KCNK12: variants seen among roughly 807,000 people sequenced by gnomAD.
KCNK12 encodes potassium channel subfamily K member 12.
In KCNK12, 6 loss-of-function variants were observed where a neutral mutation model predicts 25.3. The ratio of observed to expected loss-of-function variants is 0.24; its 90% CI spans 0.13 to 0.47. The LOEUF is 0.47. Among genes scored for constraint, KCNK12 ranks in the 20% least tolerant of loss-of-function variants. The pLI is 0.99. For missense variants in KCNK12, 444 were observed against 661.7 expected, an observed-to-expected ratio of 0.67 and a Z score of 3.61; for synonymous variants, 331 against 311.1, an observed-to-expected ratio of 1.06 and a Z score of -0.67.
At chr2:47,558,040 T>C (rs1447263916) in intron 1 of KCNK12, among the ~76,000 whole-genome samples, 1 of 152,250 alleles carries the variant, frequency 6.6e-6, no homozygotes, top group Non-Finnish European at 1.5e-5. Flanking sequence ...CTGATCATCA[T>C]ATTTTACTTT....
At chr2:47,537,680 T>A (rs1018135793) in intron 1 of KCNK12, among the ~76,000 whole-genome samples, 3 of 152,234 alleles carry the variant, frequency 2.0e-5, no homozygotes, top group African/African-American at 7.2e-5. Flanking sequence ...ATTTCACATT[T>A]TCTGTGGTGC....
At chr2:47,532,046 CAAAA>C (rs907601148) in intron 1 of KCNK12, among the ~76,000 whole-genome samples, 1 of 151,430 alleles carries the variant, frequency 6.6e-6, no homozygotes, top group Non-Finnish European at 1.5e-5. Flanking sequence ...GACTCCGTCT[CAAAA>C]AAAACCCCCA....
chr2:47,517,141 T>C lies in KCNK12; in HGVS notation c.*3766A>G, dbSNP rs1049174762. ...AGTGTGTATGTGGAATTGTGCTTTT[T>C]GTTTTTTAAGAATGTAAAAAGTTAC... On this transcript the variant is annotated 3_prime_UTR_variant, in exon 2 of 2. Coordinates refer to ENST00000327876, the MANE Select transcript of KCNK12 (RefSeq NM_022055.2). The surrounding 1 kb of genome is among the most constrained non-coding windows in gnomAD (Gnocchi z 4.1). 1 of 152,202 alleles carries C rather than the reference T, an allele frequency of 6.6e-6. No homozygotes were observed. The highest frequency in any genetic ancestry group is 1.5e-5 in the Non-Finnish European group (1 of 68,048). The allele number at this position is 152,202 out of a possible 1,614,324, so 9.4% of individuals were successfully genotyped here.
Position 47,523,836 on chromosome 2 carries a change from T to C in KCNK12, c.392-2028A>G, listed in dbSNP as rs7608068. Among the ~76,000 whole-genome samples, 334 of 152,326 alleles carry C rather than the reference T, an allele frequency of 2.2e-3. 1 individual carries two copies. Among genetic ancestry groups the C allele is most frequent in the African/African-American group, 7.8e-3 (323 of 41,576 alleles). On this transcript the variant is annotated intron_variant, in intron 1 of 1. Coordinates refer to ENST00000327876, the MANE Select transcript of KCNK12 (RefSeq NM_022055.2). ...GGGCATCCCTGTTTAATTTGTGCCC[T>C]ATGGCAGAAGGGCTACCTGTGCTCT...
chr2:47,563,827 C>T (rs909454316), intron 1 of KCNK12: 2 of 232,632 alleles, frequency 8.6e-6, no homozygotes, highest in Non-Finnish European at 1.7e-5. Flanking sequence ...TTGCTCCATT[C>T]GGCACAATTC....
Position 47,510,070 on chromosome 2 carries a change from A to C in KCNK12, c.*10837T>G, listed in dbSNP as rs982588125. 1 of 152,182 alleles carries C rather than the reference A, an allele frequency of 6.6e-6. No homozygotes were observed. Among genetic ancestry groups the C allele is most frequent in the East Asian group, 1.9e-4 (1 of 5,194 alleles). The allele number at this position is 152,182 out of a possible 1,614,324, so 9.4% of individuals were successfully genotyped here. On this transcript the variant is annotated 3_prime_UTR_variant, in exon 2 of 2. Transcript: ENST00000327876. ...CGATCATGTGACTCTCTTCTGGTCA[A>C]TGAGATGCAGCAGAAAGTCCTAGGG...
At position 47,570,200 on chromosome 2, in the gene KCNK12, C is replaced by G; in HGVS notation, c.132G>C (p.Ala44=). 6.7e-7 allele frequency: 1 copy of G among 1,497,812 alleles called. No homozygotes were observed. Among genetic ancestry groups the G allele is most frequent in the Non-Finnish European group, 8.9e-7 (1 of 1,128,100 alleles). The allele number at this position is 1,497,812 out of a possible 1,614,324, so 92.8% of individuals were successfully genotyped here. A position where few individuals can be genotyped will look rare whatever the true frequency, so the allele number is the denominator to read the frequency against. The change falls in exon 1 of 2, where the codon GCG becomes GCC. Residue 44 remains alanine (A), a synonymous_variant. Transcript: ENST00000327876. ...EDTGRFVLLA[A]LIGLYLVAGA... ...CCGCCACCAGGTAGAGGCCGATGAG[C>G]GCCGCCAGCAGCACGAAGCGGCCGG...
chr2:47,541,688 C>G (rs1249689166), intron 1 of KCNK12, among the ~76,000 whole-genome samples: 1 of 152,064 alleles, frequency 6.6e-6, no homozygotes, highest in Non-Finnish European at 1.5e-5. Context: ...TGGCTGGTGT[C>G]CTCACAGGAA....
intron 1 of KCNK12, among the ~76,000 whole-genome samples, chr2:47,550,843 C>T (rs944058639): frequency 3.3e-5 from 5 of 152,118 alleles, no homozygotes; most frequent in African/African-American, 9.7e-5. Flanking sequence ...AAACATGCCC[C>T]GGTCCAAATC....
At chr2:47,553,652 T>C (rs1669487816) in intron 1 of KCNK12, among the ~76,000 whole-genome samples, 3 of 152,230 alleles carry the variant, frequency 2.0e-5, no homozygotes, top group African/African-American at 7.2e-5. Flanking sequence ...CAGAATCTTC[T>C]TCTAAAATAG....
chr2:47,547,586 A>T lies in KCNK12; in HGVS notation c.391+22355T>A, dbSNP rs1469036846. On this transcript the variant is annotated intron_variant, in intron 1 of 1. Transcript: ENST00000327876. The surrounding 1 kb of genome is among the most constrained non-coding windows in gnomAD (Gnocchi z 5.0). The stretch of plus-strand genomic sequence containing the variant: ...CCAGAGCCCCCTAGCTGACATTGGC[A>T]GGGCTTTATTTATTTATTTATTTAC... Among the ~76,000 whole-genome samples, 4 of 151,184 alleles carry T rather than the reference A, an allele frequency of 2.6e-5. No individual in the cohort carries two copies. The highest frequency in any genetic ancestry group is 1.3e-4 in the Admixed American group (2 of 15,200).
At chr2:47,564,039 C>G (rs1321718088) in intron 1 of KCNK12, 2 of 231,278 alleles carry the variant, frequency 8.6e-6, no homozygotes, top group African/African-American at 2.2e-5. Flanking sequence ...CCTTTCTCCA[C>G]TCTCCCAGAA....
rs1669854059 is a variant in KCNK12 at position 47,569,921 on chromosome 2, G to A, written c.391+20C>T. Reference sequence around the variant, plus strand: ...TGAAAGGCACAGAGAGGAAAGATGCGCGGGGGACGCGCCGCTCACCTATGG... The same window carrying A: ...TGAAAGGCACAGAGAGGAAAGATGCACGGGGGACGCGCCGCTCACCTATGG... On this transcript the variant is annotated intron_variant, in intron 1 of 1. Transcript: ENST00000327876. The surrounding 1 kb of genome is among the most constrained non-coding windows in gnomAD (Gnocchi z 4.1). 1.5e-6 allele frequency: 2 copies of A among 1,337,798 alleles called. No individual in the cohort carries two copies. Among genetic ancestry groups the A allele is most frequent in the African/African-American group, 3.1e-5 (2 of 64,984 alleles). 82.9% of individuals were successfully genotyped at this position (1,337,798 alleles called of 1,614,324 possible). A position where few individuals can be genotyped will look rare whatever the true frequency, so the allele number is the denominator to read the frequency against.
chr2:47,530,750 C>A (rs539463250), intron 1 of KCNK12, among the ~76,000 whole-genome samples: 3 of 152,244 alleles, frequency 2.0e-5, no homozygotes, highest in South Asian at 4.2e-4. Flanking sequence ...CCTAATGGTA[C>A]GTACCATGAT....
chr2:47,512,275 T>C lies in KCNK12; in HGVS notation c.*8632A>G. ...TGGAAATCCCCGTGGAACTCCTACA[T>C]TTTCTCCTCTCTTCTCCTTCCTTTC... On this transcript the variant is annotated 3_prime_UTR_variant, in exon 2 of 2. Coordinates refer to ENST00000327876, the MANE Select transcript of KCNK12 (RefSeq NM_022055.2). 6.2e-7 allele frequency: 1 copy of C among 1,610,874 alleles called. No homozygotes were observed. Among genetic ancestry groups the C allele is most frequent in the Non-Finnish European group, 8.5e-7 (1 of 1,179,092 alleles).
In KCNK12 at chr2:47,547,437, G is replaced by A. The variant is rs539931503; in HGVS notation, c.391+22504C>T. On this transcript the variant is annotated intron_variant, in intron 1 of 1. Coordinates refer to ENST00000327876, the MANE Select transcript of KCNK12 (RefSeq NM_022055.2). The surrounding 1 kb of genome is among the most constrained non-coding windows in gnomAD (Gnocchi z 5.0). ...AGGGTTGAGAACCACTCTCCTAGGTGATCTTTTCTTTTTCTTTTTGCGTCT... is the reference window on the plus strand; with the variant it reads ...AGGGTTGAGAACCACTCTCCTAGGTAATCTTTTCTTTTTCTTTTTGCGTCT... 3.3e-5 allele frequency among the ~76,000 whole-genome samples: 5 copies of A among 152,236 alleles called. No homozygotes were observed. The highest frequency in any genetic ancestry group is 7.4e-5 in the Non-Finnish European group (5 of 68,004).
chr2:47,569,956 C>T lies in KCNK12; in HGVS notation c.376G>A (p.Val126Met). ...CGCCGCTCACCTATGGTTGACACCACGGTGCCCACGAAGTAGAAGGCGCCG... is the reference window on the plus strand; with the variant it reads ...CGCCGCTCACCTATGGTTGACACCATGGTGCCCACGAAGTAGAAGGCGCCG... ...FPGAFYFVGT[V>M]VSTIGFGMTT... is the part of the protein sequence containing the mutation. The change falls in exon 1 of 2, where the codon GTG becomes ATG. Residue 126 changes from valine (V) to methionine (M), a missense_variant. This residue lies in a region of KCNK12 where 44 missense variants were observed against 100.7 expected (regional missense o/e 0.44). Coordinates refer to ENST00000327876, the MANE Select transcript of KCNK12 (RefSeq NM_022055.2). This position sits in a 1 kb window ranked among gnomAD's most constrained non-coding sequence, Gnocchi z 4.1. 1.4e-6 allele frequency: 2 copies of T among 1,424,774 alleles called. No homozygotes were observed. Among genetic ancestry groups the T allele is most frequent in the Non-Finnish European group, 1.8e-6 (2 of 1,089,360 alleles). The allele number at this position is 1,424,774 out of a possible 1,614,324, so 88.3% of individuals were successfully genotyped here.
At chr2:47,534,910 G>A (rs1459087838) in intron 1 of KCNK12, 1 of 214,002 alleles carries the variant, frequency 4.7e-6, no homozygotes, top group African/African-American at 2.3e-5. Context: ...GGTTTGTAAA[G>A]CAACAAATCC....
At chr2:47,536,301 C>T (rs1669065578) in intron 1 of KCNK12, among the ~76,000 whole-genome samples, 1 of 152,236 alleles carries the variant, frequency 6.6e-6, no homozygotes, top group African/African-American at 2.4e-5. Context: ...GTGACAGCCC[C>T]TGTCCTGACC....
Sources: allele counts gnomAD v4.1 joint callset (sites outside exome capture counted in the v4.1 genomes callset), GRCh38; gene constraint gnomAD v4.1.1; regional missense constraint gnomAD v4.1.1; non-coding constraint Gnocchi (gnomAD v3.1); transcripts MANE v1.5; gene names NCBI Gene and HGNC (gene_info 2026-07-23, HGNC 2026-07-21).